Variants in IPO5 observed in about 807,000 individuals in gnomAD.
The protein encoded by IPO5 is importin-5.
In IPO5, 18 loss-of-function variants were observed where a neutral mutation model predicts 143.3. The ratio of observed to expected loss-of-function variants is 0.13; its 90% CI spans 0.09 to 0.19. The LOEUF is 0.19. IPO5 is among the 10% of genes least tolerant of loss of function. The pLI, the probability that IPO5 is intolerant of heterozygous loss-of-function variation, is 1.00. For synonymous variants in IPO5, 477 were observed against 465.7 expected, an observed-to-expected ratio of 1.02 and a Z score of -0.31; for missense variants, 1,013 against 1,336.9, an observed-to-expected ratio of 0.76 and a Z score of 3.78.
chr13:97,979,670 G>A (rs1224671885), intron 4 of IPO5, among the ~76,000 whole-genome samples: 1 of 152,120 alleles, frequency 6.6e-6, no homozygotes, highest in African/African-American at 2.4e-5. Context: ...TACAGAATTT[G>A]TTCCTCATTG....
chr13:97,992,930 C>A lies in IPO5; in HGVS notation c.708C>A (p.Val236=). ...CGTGCTACCAGAATGATGATTCTGT[C>A]CTAAAATCCCTCGTTGAGATTGCAG... ...NDSCYQNDDS[V]LKSLVEIADT... is the part of the protein sequence containing the mutation. Residue 236 remains valine (V), a synonymous_variant, in exon 10 of 29, where the codon GTC becomes GTA. Coordinates refer to ENST00000651721, the MANE Select transcript of IPO5 (RefSeq NM_002271.6). 6.2e-7 allele frequency: 1 copy of A among 1,613,678 alleles called. No individual in the cohort carries two copies. The highest frequency in any genetic ancestry group is 1.3e-5 in the African/African-American group (1 of 75,036).
At chr13:97,997,055 T>C (rs1888354158) in intron 11 of IPO5, among the ~76,000 whole-genome samples, 1 of 152,244 alleles carries the variant, frequency 6.6e-6, no homozygotes, top group African/African-American at 2.4e-5. Flanking sequence ...GTGGGTAGTA[T>C]GTTTATATAA....
chr13:98,012,812 T>C (rs1338551341), intron 21 of IPO5, among the ~76,000 whole-genome samples: 1 of 149,178 alleles, frequency 6.7e-6, no homozygotes, highest in African/African-American at 2.5e-5. Context: ...TTTTTTTTTT[T>C]TTTTTTTTTT....
intron 9 of IPO5, 94 bp downstream of exon 9, chr13:97,990,631 T>C (rs766673879): frequency 5.8e-6 from 4 of 694,584 alleles, no homozygotes; most frequent in East Asian, 2.8e-5. Flanking sequence ...TTGCCTATTA[T>C]GTTCTGGCGC....
In IPO5 at chr13:98,018,575, G is replaced by T. The variant is rs369366204; in HGVS notation, c.2707G>T (p.Ala903Ser). ...EHCSPASFKY[A>S]EYFLRPMLQY... is the part of the protein sequence containing the mutation. ...CTGTAGTCCAGCCTCATTTAAATAC[G>T]CAGAATATTTCTTAAGACCAATGCT... is the stretch of plus-strand genomic sequence containing the variant. Residue 903 changes from alanine (A) to serine (S), a missense_variant, in exon 26 of 29, where the codon GCA (alanine) becomes TCA (serine). By Grantham distance (99) the Ala-to-Ser change is moderately conservative. Around this residue, in one of 2 missense-constraint regions of IPO5, gnomAD observed 685 missense variants for 994.9 expected, o/e 0.69. Transcript: ENST00000651721. The T allele has an allele frequency of 1.9e-6, 3 of 1,613,854 alleles. No individual in the cohort carries two copies. The African/African-American group carries it at 4.0e-5, about 22-fold the overall frequency.
chr13:97,983,528 G>C (rs922628189), intron 5 of IPO5, among the ~76,000 whole-genome samples: 1 of 131,500 alleles, frequency 7.6e-6, no homozygotes, highest in Non-Finnish European at 1.6e-5. Flanking sequence ...GCATTTTGTA[G>C]CTAATTCCAC....
intron 2 of IPO5, among the ~76,000 whole-genome samples, chr13:97,965,662 G>C (rs745892506): frequency 6.6e-6 from 1 of 151,782 alleles, no homozygotes; most frequent in Non-Finnish European, 1.5e-5. Flanking sequence ...TTTTCAGATT[G>C]TTTATTGCTA....
rs1469185114 is a variant in IPO5, at chr13:98,024,270, CAT to C, written c.*2450_*2451del. 1.3e-5 allele frequency: 2 copies of C among 152,134 alleles called. No individual in the cohort carries two copies. The highest frequency in any genetic ancestry group is 4.8e-5 in the African/African-American group (2 of 41,436). The allele number at this position is 152,134 out of a possible 1,614,324, so 9.4% of individuals were successfully genotyped here. A position where few individuals can be genotyped will look rare whatever the true frequency, so the allele number is the denominator to read the frequency against. Reference sequence around the variant, plus strand: ...AGTTTGACAGAACCATCAGTAAAGACATAAGCAAATAAATGGTCTTGGTGCAC... The same window carrying C: ...AGTTTGACAGAACCATCAGTAAAGACAAGCAAATAAATGGTCTTGGTGCAC... On this transcript the variant is annotated 3_prime_UTR_variant, in exon 29 of 29. Coordinates refer to ENST00000651721, the MANE Select transcript of IPO5 (RefSeq NM_002271.6).
In IPO5 at chr13:97,989,052, T is replaced by A. The variant is rs1212999190; in HGVS notation, c.365-10T>A. The A allele has an allele frequency of 6.5e-7, 1 of 1,541,418 alleles. No homozygotes were observed. The highest frequency in any genetic ancestry group is 9.0e-7 in the Non-Finnish European group (1 of 1,114,758). ...TACACAACTTTATGTCTGGATTTCTTTACTTTCAGATGAGGATGGCAATAA... is the reference window on the plus strand; with the variant it reads ...TACACAACTTTATGTCTGGATTTCTATACTTTCAGATGAGGATGGCAATAA... On this transcript the variant is annotated splice_polypyrimidine_tract_variant and intron_variant, in intron 6 of 28. Coordinates refer to ENST00000651721, the MANE Select transcript of IPO5 (RefSeq NM_002271.6).
At chr13:97,999,500 G>C (rs1385763172) in intron 12 of IPO5, among the ~76,000 whole-genome samples, 2 of 152,102 alleles carry the variant, frequency 1.3e-5, no homozygotes, top group African/African-American at 4.8e-5. Flanking sequence ...AGATGAATAA[G>C]ATTTTCTCAT....
chr13:98,019,801 G>T lies in IPO5; in HGVS notation c.3057G>T (p.Leu1019=). 1 of 1,605,580 alleles carries T rather than the reference G, an allele frequency of 6.2e-7. No homozygotes were observed. Among genetic ancestry groups the T allele is most frequent in the East Asian group, 2.2e-5 (1 of 44,808 alleles). ...AVQTFNYLCD[L]IESNHPIVLG... ...AGACTTTCAATTATCTGTGTGACCT[G>T]ATTGAAAGGTAGGAAAGCAGACTGT... The change falls in exon 27 of 29, where the codon CTG becomes CTT. Residue 1019 remains leucine (L), a synonymous_variant. Coordinates refer to ENST00000651721, the MANE Select transcript of IPO5 (RefSeq NM_002271.6).
At chr13:97,991,593 A>G (rs1887809845) in intron 9 of IPO5, among the ~76,000 whole-genome samples, 1 of 152,214 alleles carries the variant, frequency 6.6e-6, no homozygotes, top group Non-Finnish European at 1.5e-5. Flanking sequence ...GAGCATCTCA[A>G]GTCAGAAATC....
Position 97,956,146 on chromosome 13 carries a change from G to A in IPO5, c.-113+1948G>A, listed in dbSNP as rs547933244. Among the ~76,000 whole-genome samples the A allele has an allele frequency of 6.4e-3, 919 of 144,342 alleles. 11 individuals are homozygous for A. The highest frequency in any genetic ancestry group is 0.022 in the African/African-American group (864 of 40,142). 94.7% of individuals were successfully genotyped at this position (144,342 alleles called of 152,430 possible). Reference sequence around the variant, plus strand: ...GACTCCGTGTCAAAAAAAAAAAAACGAACAAAAAAAGTAAAAAATAAAAAT... The same window carrying A: ...GACTCCGTGTCAAAAAAAAAAAAACAAACAAAAAAAGTAAAAAATAAAAAT... On this transcript the variant is annotated intron_variant, in intron 2 of 28. Coordinates refer to ENST00000651721, the MANE Select transcript of IPO5 (RefSeq NM_002271.6).
chr13:97,991,241 TACAA>T lies in IPO5; in HGVS notation c.669+706_669+709del, dbSNP rs200027027. Among the ~76,000 whole-genome samples the T allele has an allele frequency of 6.4e-3, 970 of 152,240 alleles. 10 individuals carry two copies. Among genetic ancestry groups the T allele is most frequent in the African/African-American group, 0.02 (829 of 41,552 alleles). ...TTAGAATATTAATATATGGCCTTAA[TACAA>T]AAAAGAAATGCAAAGAAACGTATAA... On this transcript the variant is annotated intron_variant, in intron 9 of 28. Transcript: ENST00000651721.
chr13:98,006,455 A>G lies in IPO5; in HGVS notation c.1716+107A>G, dbSNP rs1355885583. ...AGTGGCACGATCTCGGCTCACTGCAAACTCTGCCTCCCAGGTTCATGCCAT... is the reference window on the plus strand; with the variant it reads ...AGTGGCACGATCTCGGCTCACTGCAGACTCTGCCTCCCAGGTTCATGCCAT... On this transcript the variant is annotated intron_variant, in intron 17 of 28. Transcript: ENST00000651721. 4.6e-6 allele frequency: 3 copies of G among 657,130 alleles called. No homozygotes were observed. In the South Asian group the frequency reaches 6.3e-5, roughly 14 times the overall value. 40.7% of individuals were successfully genotyped at this position (657,130 alleles called of 1,614,324 possible).
chr13:97,996,545 C>T (rs1409383704), intron 11 of IPO5, among the ~76,000 whole-genome samples: 2 of 152,162 alleles, frequency 1.3e-5, no homozygotes, highest in African/African-American at 2.4e-5. Flanking sequence ...CGGAGACCTC[C>T]ACTTAAACTT....
intron 27 of IPO5, among the ~76,000 whole-genome samples, chr13:98,020,408 G>T (rs1890400739): frequency 6.6e-6 from 1 of 152,192 alleles, no homozygotes. Context: ...AAATGGGTTT[G>T]AGTCTTCCAC....
rs1888168878 is a variant in IPO5 at position 97,995,219 on chromosome 13, C to T, written c.913+1994C>T. 2.1e-5 allele frequency among the ~76,000 whole-genome samples: 3 copies of T among 140,156 alleles called. 1 individual carries two copies. The South Asian group carries it at 6.8e-4, about 32-fold the overall frequency. The allele number at this position is 140,156 out of a possible 152,430, so 91.9% of individuals were successfully genotyped here. A position where few individuals can be genotyped will look rare whatever the true frequency, so the allele number is the denominator to read the frequency against. ...GTTTGTTTAATAGGTTTATGGGGAACAGGTGGTGTTTGGTTTAGTGGTGAT... is the reference window on the plus strand; with the variant it reads ...GTTTGTTTAATAGGTTTATGGGGAATAGGTGGTGTTTGGTTTAGTGGTGAT... On this transcript the variant is annotated intron_variant, in intron 11 of 28. Coordinates refer to ENST00000651721, the MANE Select transcript of IPO5 (RefSeq NM_002271.6).
intron 2 of IPO5, among the ~76,000 whole-genome samples, chr13:97,956,067 G>A (rs1884434837): frequency 6.6e-6 from 1 of 151,428 alleles, no homozygotes; most frequent in Non-Finnish European, 1.5e-5. Flanking sequence ...GGGAGGTGGA[G>A]CTTGCAGTGA....
Sources: allele counts gnomAD v4.1 joint callset (sites outside exome capture counted in the v4.1 genomes callset), GRCh38; gene constraint gnomAD v4.1.1; regional missense constraint gnomAD v4.1.1; transcripts MANE v1.5; gene names NCBI Gene and HGNC (gene_info 2026-07-23, HGNC 2026-07-21).